BICC1: variants seen among roughly 807,000 people sequenced by gnomAD.
BICC1 encodes the protein protein bicaudal C homolog 1.
Under a neutral mutation model 111.0 loss-of-function variants are expected in BICC1, and 43 were observed. The ratio of observed to expected loss-of-function variants is 0.39; its 90% CI spans 0.30 to 0.50. The LOEUF (loss-of-function observed/expected upper bound fraction) is 0.50. BICC1 is among the 20% of genes least tolerant of loss of function. The pLI, the probability that BICC1 is intolerant of heterozygous loss-of-function variation, is 0.88. For synonymous variants in BICC1, 467 were observed against 434.4 expected (o/e 1.07, Z -0.93); for missense variants, 1,091 against 1,203.2 (o/e 0.91, Z 1.38).
chr10:58,536,933 A>G (rs532886282), intron 1 of BICC1, among the ~76,000 whole-genome samples: 58 of 152,030 alleles, frequency 3.8e-4, no homozygotes, highest in African/African-American at 1.4e-3. Context: ...CTCTATGCAC[A>G]CAAGCTAGAA....
At chr10:58,743,094 A>G (rs1303619381) in intron 3 of BICC1, among the ~76,000 whole-genome samples, 1 of 152,194 alleles carries the variant, frequency 6.6e-6, no homozygotes, top group Non-Finnish European at 1.5e-5. Flanking sequence ...TTGTAGGATG[A>G]TGGCTCAAAA....
At chr10:58,594,269 C>T (rs1323356920) in intron 1 of BICC1, among the ~76,000 whole-genome samples, 2 of 152,034 alleles carry the variant, frequency 1.3e-5, no homozygotes, top group Non-Finnish European at 2.9e-5. Context: ...CTGAAAGTGA[C>T]GAGGAGAATG....
At chr10:58,563,219 A>C (rs1649050) in intron 1 of BICC1, among the ~76,000 whole-genome samples, 151,240 of 152,196 alleles carry the variant, frequency 0.99, 75,148 homozygotes, top group East Asian at 1. Context: ...GTAGTAGCTC[A>C]TCTCTCAATA....
chr10:58,537,649 A>T (rs140013701), intron 1 of BICC1, among the ~76,000 whole-genome samples: 4 of 151,752 alleles, frequency 2.6e-5, no homozygotes, highest in African/African-American at 4.8e-5. Context: ...ATCAGGCAAG[A>T]GAAATAAAGG....
chr10:58,773,298 A>G (rs1842667414), intron 3 of BICC1, among the ~76,000 whole-genome samples: 1 of 152,200 alleles, frequency 6.6e-6, no homozygotes, highest in Non-Finnish European at 1.5e-5. Context: ...TCACCACCCC[A>G]ACCCCTGCCC....
At chr10:58,688,164 G>A (rs1311084837) in intron 2 of BICC1, among the ~76,000 whole-genome samples, 2 of 152,064 alleles carry the variant, frequency 1.3e-5, no homozygotes, top group African/African-American at 4.8e-5. Context: ...TATGAAGAGT[G>A]AAGGAACAAA....
intron 11 of BICC1, among the ~76,000 whole-genome samples, chr10:58,798,776 G>A (rs969383965): frequency 6.6e-6 from 1 of 152,176 alleles, no homozygotes; most frequent in African/African-American, 2.4e-5. Context: ...CTTCAAATGT[G>A]ATAAACAGAC....
chr10:58,568,317 A>G (rs923039897), intron 1 of BICC1, among the ~76,000 whole-genome samples: 12 of 152,116 alleles, frequency 7.9e-5, no homozygotes, highest in Admixed American at 6.6e-4. Flanking sequence ...GTAGAGCCCT[A>G]GGATTTGATA....
intron 1 of BICC1, among the ~76,000 whole-genome samples, chr10:58,566,295 C>T (rs958445975): frequency 1.4e-5 from 2 of 143,470 alleles, no homozygotes; most frequent in Non-Finnish European, 3.1e-5. Flanking sequence ...CAAACATGTA[C>T]ACACACACCA....
At chr10:58,614,106 G>T (rs1845524299) in intron 1 of BICC1, among the ~76,000 whole-genome samples, 1 of 152,128 alleles carries the variant, frequency 6.6e-6, no homozygotes, top group East Asian at 1.9e-4. Flanking sequence ...GACTAAGTGG[G>T]AGAAGTAGAC....
At chr10:58,695,915 A>C (rs1401872186) in intron 2 of BICC1, among the ~76,000 whole-genome samples, 2 of 152,154 alleles carry the variant, frequency 1.3e-5, no homozygotes, top group Non-Finnish European at 2.9e-5. Context: ...ATTTGATTAG[A>C]TTTTACTTGT....
intron 2 of BICC1, among the ~76,000 whole-genome samples, chr10:58,660,241 G>C (rs927274523): frequency 1.3e-5 from 2 of 152,144 alleles, no homozygotes; most frequent in Non-Finnish European, 2.9e-5. Context: ...CTCAAGTAGT[G>C]TATTTGTCTT....
intron 3 of BICC1, among the ~76,000 whole-genome samples, chr10:58,725,646 A>G (rs1272941764): frequency 2.0e-5 from 3 of 152,224 alleles, no homozygotes; most frequent in Non-Finnish European, 4.4e-5. Context: ...ACAAATCCAC[A>G]TGGTTTACTT....
At chr10:58,534,486 A>G (rs1014123825) in intron 1 of BICC1, among the ~76,000 whole-genome samples, 4 of 151,770 alleles carry the variant, frequency 2.6e-5, no homozygotes, top group African/African-American at 9.7e-5. Flanking sequence ...AGAAACTTAT[A>G]CAGAGTCTTC....
intron 2 of BICC1, among the ~76,000 whole-genome samples, chr10:58,676,094 A>T (rs1839331455): frequency 6.6e-6 from 1 of 152,184 alleles, no homozygotes; most frequent in Admixed American, 6.5e-5. Flanking sequence ...TATCTGGCCC[A>T]GATACTACAT....
At chr10:58,591,912 C>A (rs1165035109) in intron 1 of BICC1, among the ~76,000 whole-genome samples, 2 of 152,200 alleles carry the variant, frequency 1.3e-5, no homozygotes, top group Non-Finnish European at 2.9e-5. Context: ...TCGCTAACCA[C>A]ATATAAAGTT....
chr10:58,524,713 G>A (rs1251656185), intron 1 of BICC1, among the ~76,000 whole-genome samples: 1 of 151,708 alleles, frequency 6.6e-6, no homozygotes, highest in African/African-American at 2.4e-5. Context: ...TGACAAATGG[G>A]ATCTAATTAA....
intron 17 of BICC1, among the ~76,000 whole-genome samples, chr10:58,808,756 C>G (rs1238175821): frequency 6.7e-6 from 1 of 150,270 alleles, no homozygotes; most frequent in East Asian, 2.0e-4. Flanking sequence ...ACTCAACCCC[C>G]CTAAGCTGCA....
chr10:58,619,627 A>G (rs1264660638), intron 1 of BICC1, among the ~76,000 whole-genome samples: 1 of 151,882 alleles, frequency 6.6e-6, no homozygotes, highest in Non-Finnish European at 1.5e-5. Flanking sequence ...GGCGCACACC[A>G]CCACACCCAG....
Sources: gnomAD v4.1 joint callset for allele counts (sites outside exome capture counted in the v4.1 genomes callset) on GRCh38, gnomAD v4.1.1 for gene constraint, MANE v1.5 for transcripts, NCBI Gene and HGNC (gene_info 2026-07-23, HGNC 2026-07-21) for gene names.